Variants in PARM1 observed in about 807,000 individuals in gnomAD.
PARM1 encodes the protein prostate androgen-regulated mucin-like protein 1.
Under a neutral mutation model 24.6 loss-of-function variants are expected in PARM1, and 14 were observed. The ratio of observed to expected loss-of-function variants is 0.57; its 90% CI spans 0.38 to 0.89. PARM1 has a LOEUF of 0.89. PARM1 is among the 40% of genes least tolerant of loss of function. The probability of loss-of-function intolerance (pLI) is 0.00; values close to 1 mark genes in which losing one functional copy is unlikely to be tolerated. For missense variants in PARM1, 362 were observed against 380.4 expected, an observed-to-expected ratio of 0.95 and a Z score of 0.40; for synonymous variants, 179 against 156.6, an observed-to-expected ratio of 1.14 and a Z score of -1.07.
At chr4:75,000,186 A>C (rs867002250) in intron 1 of PARM1, among the ~76,000 whole-genome samples, 7 of 152,312 alleles carry the variant, frequency 4.6e-5, no homozygotes, top group East Asian at 1.9e-4. Context: ...AGCAGTTACA[A>C]GAGTTGAGAG....
intron 1 of PARM1, among the ~76,000 whole-genome samples, chr4:74,987,817 C>T (rs950563723): frequency 6.6e-6 from 1 of 152,170 alleles, no homozygotes; most frequent in Non-Finnish European, 1.5e-5. Flanking sequence ...CACCTACTTC[C>T]TCTGGGGATA....
chr4:75,002,327 G>A (rs1383202955), intron 1 of PARM1, among the ~76,000 whole-genome samples: 2 of 152,132 alleles, frequency 1.3e-5, no homozygotes, highest in Non-Finnish European at 2.9e-5. Flanking sequence ...TTTGAGAAAT[G>A]ACTTGATAGC....
Position 75,012,968 on chromosome 4 carries a change from C to G in PARM1, c.587C>G (p.Pro196Arg). ...PTGAPTAPESPTEESSSDHTP... is the reference protein window; with the variant it reads ...PTGAPTAPESRTEESSSDHTP... The stretch of plus-strand genomic sequence containing the variant: ...GGAGCTCCAACTGCACCAGAGTCCC[C>G]GACAGAGGAGTCCAGCTCTGACCAC... The change falls in exon 2 of 4, where the codon CCG becomes CGG. Residue 196 changes from proline to arginine, a missense_variant. Transcript: ENST00000307428. 1 of 1,613,942 alleles carries G rather than the reference C, an allele frequency of 6.2e-7. No homozygotes were observed. Among genetic ancestry groups the G allele is most frequent in the Non-Finnish European group, 8.5e-7 (1 of 1,179,870 alleles).
At chr4:75,040,687 A>T (rs937857312) in intron 3 of PARM1, among the ~76,000 whole-genome samples, 1 of 152,226 alleles carries the variant, frequency 6.6e-6, no homozygotes. Flanking sequence ...ACATTAGTGG[A>T]AGCTGGGTGA....
chr4:75,039,756 C>T (rs1723444227), intron 3 of PARM1, among the ~76,000 whole-genome samples: 1 of 152,194 alleles, frequency 6.6e-6, no homozygotes, highest in South Asian at 2.1e-4. Flanking sequence ...CTCTGCTGTA[C>T]AGTTTCCCAG....
At chr4:75,007,589 T>C (rs1484190113) in intron 1 of PARM1, among the ~76,000 whole-genome samples, 1 of 152,214 alleles carries the variant, frequency 6.6e-6, no homozygotes, top group East Asian at 1.9e-4. Context: ...TCCCTAGCTC[T>C]AAAATTTCCT....
chr4:74,998,705 T>G (rs749356027), intron 1 of PARM1, among the ~76,000 whole-genome samples: 11 of 152,244 alleles, frequency 7.2e-5, no homozygotes, highest in Admixed American at 3.3e-4. Context: ...CATATTTTGG[T>G]GTGAGCTACA....
chr4:75,010,989 G>A (rs1363272897), intron 1 of PARM1, among the ~76,000 whole-genome samples: 1 of 152,202 alleles, frequency 6.6e-6, no homozygotes, highest in Non-Finnish European at 1.5e-5. Flanking sequence ...TACTTATGGT[G>A]GAAGGGGAAG....
chr4:74,981,732 G>T (rs1420594200), intron 1 of PARM1, among the ~76,000 whole-genome samples: 1 of 151,886 alleles, frequency 6.6e-6, no homozygotes, highest in African/African-American at 2.4e-5. Context: ...AAAATTAGCT[G>T]GGCACAGTGG....
chr4:74,997,935 T>C (rs1316841176), intron 1 of PARM1: 1 of 152,240 alleles, frequency 6.6e-6, no homozygotes, highest in African/African-American at 2.4e-5. Context: ...TTCTTTGAGT[T>C]GAGCTTAACA....
chr4:74,949,980 G>A (rs1317876810), intron 1 of PARM1, among the ~76,000 whole-genome samples: 1 of 151,870 alleles, frequency 6.6e-6, no homozygotes, highest in African/African-American at 2.4e-5. Flanking sequence ...AATCTTCCCT[G>A]GTGATATCAA....
At chr4:75,018,300 T>G (rs1723025913) in intron 2 of PARM1, among the ~76,000 whole-genome samples, 1 of 152,318 alleles carries the variant, frequency 6.6e-6, no homozygotes, top group Admixed American at 6.5e-5. Context: ...TAGAGAACAC[T>G]AGGGAGCAGC....
At chr4:74,997,752 A>G (rs1240327166) in intron 1 of PARM1, 2 of 152,200 alleles carry the variant, frequency 1.3e-5, no homozygotes, top group Non-Finnish European at 2.9e-5. Context: ...CCGATGAAGC[A>G]TGTGTATATT....
At position 74,968,012 on chromosome 4, in the gene PARM1, C is replaced by T. The variant is rs936530576; in HGVS notation, c.43+34642C>T. ...TTCTGAAGTGTTTGCAGGTTCCTCC[C>T]CTTTTCATTTTCCTTCTTGCAAAAC... On this transcript the variant is annotated intron_variant, in intron 1 of 3. Transcript: ENST00000307428. 6.6e-5 allele frequency among the ~76,000 whole-genome samples: 10 copies of T among 152,256 alleles called. No homozygotes were observed. The East Asian group carries it at 1.9e-3, about 29-fold the overall frequency.
At chr4:75,025,638 A>G (rs1023103340) in intron 2 of PARM1, among the ~76,000 whole-genome samples, 1 of 152,204 alleles carries the variant, frequency 6.6e-6, no homozygotes, top group Non-Finnish European at 1.5e-5. Context: ...GGTCCTTAAA[A>G]TACAGCTGAC....
chr4:74,942,455 G>A (rs143627505), intron 1 of PARM1, among the ~76,000 whole-genome samples: 31 of 152,284 alleles, frequency 2.0e-4, no homozygotes, highest in African/African-American at 5.8e-4. Context: ...TAGTTATCTC[G>A]AACTCAACAT....
At chr4:74,982,267 GGGAACAA>G (rs1722272313) in intron 1 of PARM1, among the ~76,000 whole-genome samples, 1 of 152,072 alleles carries the variant, frequency 6.6e-6, no homozygotes, top group Non-Finnish European at 1.5e-5. Flanking sequence ...ACACAGGGAG[GGGAACAA>G]CACACACTGG....
intron 1 of PARM1, among the ~76,000 whole-genome samples, chr4:74,941,446 A>G (rs1721307939): frequency 6.6e-6 from 1 of 152,194 alleles, no homozygotes; most frequent in African/African-American, 2.4e-5. Context: ...GAGTCCAAGA[A>G]AACATCAAAT....
chr4:74,962,956 CA>C (rs1427682924), intron 1 of PARM1, among the ~76,000 whole-genome samples: 1 of 152,196 alleles, frequency 6.6e-6, no homozygotes, highest in Non-Finnish European at 1.5e-5. Flanking sequence ...TGAAGGTAAT[CA>C]GATCATGGGG....
Sources: gnomAD v4.1 joint callset for allele counts (sites outside exome capture counted in the v4.1 genomes callset) on GRCh38, gnomAD v4.1.1 for gene constraint, MANE v1.5 for transcripts, NCBI Gene and HGNC (gene_info 2026-07-23, HGNC 2026-07-21) for gene names.